PIGK: variants seen among roughly 807,000 people sequenced by gnomAD.
PIGK encodes phosphatidylinositol glycan anchor biosynthesis class K.
In PIGK, 42 loss-of-function variants were observed where a neutral mutation model predicts 50.6. The observed-to-expected ratio is 0.83, with a 90% CI of 0.65 to 1.07. The LOEUF is 1.07. Ranked by LOEUF, PIGK falls within the 50% of genes least tolerant of loss-of-function variation. The probability of loss-of-function intolerance (pLI) is 0.00; values close to 1 mark genes in which losing one functional copy is unlikely to be tolerated. For missense variants in PIGK, 448 were observed against 488.7 expected (o/e 0.92, Z 0.78); for synonymous variants, 151 against 156.0 (o/e 0.97, Z 0.24).
At chr1:77,172,890 C>T (rs967110418) in intron 3 of PIGK, among the ~76,000 whole-genome samples, 2 of 152,170 alleles carry the variant, frequency 1.3e-5, no homozygotes. Flanking sequence ...CGCCACTGCA[C>T]TCCAGCCTGG....
intron 3 of PIGK, among the ~76,000 whole-genome samples, chr1:77,206,057 C>T (rs529795779): frequency 6.6e-5 from 10 of 152,030 alleles, no homozygotes; most frequent in Admixed American, 1.3e-4. Flanking sequence ...GAAGTTGGGA[C>T]AGCAAAGTTC....
At chr1:77,159,947 G>A (rs879285020) in intron 8 of PIGK, among the ~76,000 whole-genome samples, 3 of 152,114 alleles carry the variant, frequency 2.0e-5, no homozygotes, top group African/African-American at 4.8e-5. Flanking sequence ...TTTGAAATAC[G>A]AGAATAGGAG....
At chr1:77,185,642 G>A (rs1655722651) in intron 3 of PIGK, among the ~76,000 whole-genome samples, 1 of 152,180 alleles carries the variant, frequency 6.6e-6, no homozygotes, top group Admixed American at 6.5e-5. Context: ...TGAGTGACCT[G>A]AAAGGCTGCC....
intron 3 of PIGK, among the ~76,000 whole-genome samples, chr1:77,181,562 T>C (rs959172907): frequency 6.6e-6 from 1 of 152,220 alleles, no homozygotes; most frequent in Non-Finnish European, 1.5e-5. Flanking sequence ...GAGCATTGTT[T>C]AGCTACTAGA....
At chr1:77,129,264 G>A in intron 9 of PIGK, 1 of 1,608,942 alleles carries the variant, frequency 6.2e-7, no homozygotes, top group Non-Finnish European at 8.5e-7. Context: ...TCTGAAAGAT[G>A]TCACTTTACA....
intron 3 of PIGK, among the ~76,000 whole-genome samples, chr1:77,183,254 C>T (rs1200508925): frequency 1.3e-5 from 2 of 152,192 alleles, no homozygotes; most frequent in African/African-American, 2.4e-5. Context: ...AGTTTGTAAA[C>T]TCTGATGAAC....
intron 8 of PIGK, among the ~76,000 whole-genome samples, chr1:77,160,005 A>G: frequency 6.6e-6 from 1 of 152,138 alleles, no homozygotes; most frequent in South Asian, 2.1e-4. Flanking sequence ...CTGTGTCCTC[A>G]CTCAAATCTC....
intron 5 of PIGK, 90 bp downstream of exon 5, chr1:77,166,629 A>G (rs2100558958): frequency 1.6e-6 from 1 of 630,338 alleles, no homozygotes; most frequent in East Asian, 2.8e-5. Flanking sequence ...ACCAAAAATC[A>G]TTTCACGTGT....
chr1:77,125,998 T>C (rs1024600400), intron 9 of PIGK, among the ~76,000 whole-genome samples: 1 of 152,156 alleles, frequency 6.6e-6, no homozygotes, highest in African/African-American at 2.4e-5. Context: ...TCTGAGATGA[T>C]TTTTGTCTTT....
chr1:77,150,869 A>G (rs1364131435), intron 9 of PIGK, among the ~76,000 whole-genome samples: 2 of 152,156 alleles, frequency 1.3e-5, no homozygotes, highest in African/African-American at 4.8e-5. Flanking sequence ...TCTCCCATCA[A>G]AGAAAAGCTC....
In PIGK at chr1:77,154,569, T is replaced by C. The variant is rs1191190575; in HGVS notation, c.866A>G (p.Asp289Gly). 3 of 1,612,858 alleles carry C rather than the reference T, an allele frequency of 1.9e-6. No homozygotes were observed. The highest frequency in any genetic ancestry group is 2.5e-6 in the Non-Finnish European group (3 of 1,179,122). The change falls in exon 9 of 11, where the codon GAT becomes GGT. Residue 289 changes from aspartate (D) to glycine (G), a missense_variant. Asp to Gly is a moderately conservative substitution (Grantham distance 94). Coordinates refer to ENST00000370812, the MANE Select transcript of PIGK (RefSeq NM_005482.3). ...LCVSTPGHRT[D>G]LFQRDPKNVL... The stretch of plus-strand genomic sequence containing the variant: ...ATTTTTAGGATCCCTCTGAAAAAGA[T>C]CAGTGCGATGTCCAGGAGTAGACAC...
intron 9 of PIGK, among the ~76,000 whole-genome samples, chr1:77,125,919 C>A (rs1228988891): frequency 6.6e-6 from 1 of 152,032 alleles, no homozygotes; most frequent in East Asian, 1.9e-4. Flanking sequence ...TCTTTCCATT[C>A]TTTACGTCTT....
At chr1:77,192,295 C>A (rs1407669170) in intron 3 of PIGK, among the ~76,000 whole-genome samples, 1 of 151,828 alleles carries the variant, frequency 6.6e-6, no homozygotes, top group Admixed American at 6.6e-5. Context: ...CAGATGAAAT[C>A]AAATTAATTA....
At chr1:77,101,714 A>C (rs1416371634) in intron 10 of PIGK, among the ~76,000 whole-genome samples, 1 of 152,192 alleles carries the variant, frequency 6.6e-6, no homozygotes, top group Non-Finnish European at 1.5e-5. Context: ...AAATTAAAAA[A>C]TATTCTTTTG....
At chr1:77,098,665 G>A (rs1218594027) in intron 10 of PIGK, among the ~76,000 whole-genome samples, 1 of 151,918 alleles carries the variant, frequency 6.6e-6, no homozygotes, top group African/African-American at 2.4e-5. Flanking sequence ...AAAAGTTTTT[G>A]GAAAGATCTG....
At chr1:77,200,386 C>T (rs1656133901) in intron 3 of PIGK, among the ~76,000 whole-genome samples, 2 of 152,062 alleles carry the variant, frequency 1.3e-5, no homozygotes, top group East Asian at 3.9e-4. Context: ...AGAAGCATTT[C>T]TTATATTTAT....
intron 2 of PIGK, among the ~76,000 whole-genome samples, chr1:77,207,509 T>C (rs1483375954): frequency 1.3e-5 from 2 of 152,142 alleles, no homozygotes; most frequent in African/African-American, 4.8e-5. Context: ...AAAACAGTTG[T>C]AAATGTACAT....
chr1:77,142,236 A>C (rs1305367345), intron 9 of PIGK, among the ~76,000 whole-genome samples: 1 of 152,180 alleles, frequency 6.6e-6, no homozygotes, highest in East Asian at 1.9e-4. Context: ...GCTGATAAAA[A>C]CACAAATCAA....
At chr1:77,212,609 T>A (rs1656445714) in intron 1 of PIGK, among the ~76,000 whole-genome samples, 1 of 151,934 alleles carries the variant, frequency 6.6e-6, no homozygotes, top group African/African-American at 2.4e-5. Context: ...AGTGAATGAA[T>A]GAAAAAGGAC....
Sources: allele counts gnomAD v4.1 joint callset (sites outside exome capture counted in the v4.1 genomes callset), GRCh38; gene constraint gnomAD v4.1.1; transcripts MANE v1.5; gene names NCBI Gene and HGNC (gene_info 2026-07-23, HGNC 2026-07-21).